Variants in SKIL observed in about 807,000 individuals in gnomAD.
The protein encoded by SKIL is ski-like protein.
SKIL carries 20 observed loss-of-function variants against 69.6 expected under a neutral mutation model. The observed-to-expected ratio is 0.29, with a 90% CI of 0.20 to 0.42. The LOEUF (loss-of-function observed/expected upper bound fraction) is 0.42. SKIL is among the 10% of genes least tolerant of loss of function. The pLI is 1.00. For synonymous variants in SKIL, 310 were observed against 279.9 expected, an observed-to-expected ratio of 1.11 and a Z score of -1.08; for missense variants, 745 against 783.1, an observed-to-expected ratio of 0.95 and a Z score of 0.58.
chr3:170,360,868 A>C lies in SKIL; in HGVS notation c.537A>C (p.Thr179=), dbSNP rs548156829. Reference sequence around the variant, plus strand: ...TAAATTCTGTTCTCCGAGAATTTACACTCCAGCAAATAAATACAGTGTGTG... The same window carrying C: ...TAAATTCTGTTCTCCGAGAATTTACCCTCCAGCAAATAAATACAGTGTGTG... ...QVLNSVLREF[T]LQQINTVCDE... Residue 179 remains threonine (T), a synonymous_variant, in exon 2 of 7, where the codon ACA becomes ACC. Transcript: ENST00000259119. 8 of 1,614,142 alleles carry C rather than the reference A, an allele frequency of 5.0e-6. No homozygotes were observed. The African/African-American group carries it at 1.1e-4, about 22-fold the overall frequency.
chr3:170,358,144 C>G (rs1010478822), intron 1 of SKIL, among the ~76,000 whole-genome samples: 12 of 152,172 alleles, frequency 7.9e-5, no homozygotes, highest in African/African-American at 2.9e-4. Flanking sequence ...TCCGTCAGCC[C>G]CCGGCGGCGC....
chr3:170,373,466 CTG>C (rs1212985771), intron 2 of SKIL, among the ~76,000 whole-genome samples: 2 of 152,336 alleles, frequency 1.3e-5, no homozygotes, highest in Non-Finnish European at 2.9e-5. Context: ...GTGTGAGTCA[CTG>C]TGCCTGGCCT....
chr3:170,391,394 C>T (rs1033357308), intron 6 of SKIL, 134 bp downstream of exon 6: 5 of 594,626 alleles, frequency 8.4e-6, no homozygotes, highest in Non-Finnish European at 6.0e-6. Context: ...CTCAGCTCCC[C>T]ACAACCTCTG....
intron 1 of SKIL, 163 bp downstream of exon 1, chr3:170,357,926 G>C (rs938887275): frequency 2.0e-5 from 3 of 152,338 alleles, no homozygotes; most frequent in African/African-American, 4.8e-5. Context: ...TGGATGCGCG[G>C]GTCCCGGGTG....
intron 4 of SKIL, among the ~76,000 whole-genome samples, chr3:170,387,226 T>C (rs1016152093): frequency 1.8e-4 from 28 of 152,110 alleles, no homozygotes; most frequent in African/African-American, 6.3e-4. Flanking sequence ...TTCGCCATGT[T>C]AGTCAGGCTG....
intron 3 of SKIL, among the ~76,000 whole-genome samples, chr3:170,382,986 CTGGGATTACAG>C (rs1385931335): frequency 1.3e-5 from 2 of 152,164 alleles, no homozygotes; most frequent in Admixed American, 1.3e-4. Flanking sequence ...TCCCAAAGTG[CTGGGATTACAG>C]GTATGAGTCA....
At chr3:170,369,912 G>C (rs1005735932) in intron 2 of SKIL, among the ~76,000 whole-genome samples, 1 of 152,136 alleles carries the variant, frequency 6.6e-6, no homozygotes, top group African/African-American at 2.4e-5. Context: ...GAAAGCAAAA[G>C]AATATATAAA....
Position 170,369,082 on chromosome 3 carries a change from A to ATT in SKIL, c.1098+7676_1098+7677dup, listed in dbSNP as rs55652320. On this transcript the variant is annotated intron_variant, in intron 2 of 6. Transcript: ENST00000259119. ...TATGTGGACCCTCCCTATCCCTGGC[A>ATT]TTTTTTTTTTTTTTTTTTTTTTTTG... Among the ~76,000 whole-genome samples, 1,219 of 126,660 alleles carry ATT rather than the reference A, an allele frequency of 9.6e-3. 41 individuals are homozygous for ATT. Among genetic ancestry groups the ATT allele is most frequent in the South Asian group, 0.049 (197 of 4,042 alleles). 83.1% of individuals were successfully genotyped at this position (126,660 alleles called of 152,430 possible). A position where few individuals can be genotyped will look rare whatever the true frequency, so the allele number is the denominator to read the frequency against.
At chr3:170,386,022 C>G (rs981240289) in intron 4 of SKIL, among the ~76,000 whole-genome samples, 4 of 151,736 alleles carry the variant, frequency 2.6e-5, no homozygotes, top group Non-Finnish European at 5.9e-5. Context: ...GAACTCCTGA[C>G]CTCAGGTGAT....
At chr3:170,387,560 A>T (rs1447283747) in intron 4 of SKIL, among the ~76,000 whole-genome samples, 1 of 152,094 alleles carries the variant, frequency 6.6e-6, no homozygotes, top group Non-Finnish European at 1.5e-5. Flanking sequence ...TTATGTGAAT[A>T]TACCACATTT....
chr3:170,379,409 G>A (rs1380351632), intron 2 of SKIL, among the ~76,000 whole-genome samples: 1 of 151,762 alleles, frequency 6.6e-6, no homozygotes, highest in Non-Finnish European at 1.5e-5. Flanking sequence ...TATTTTTGTT[G>A]GTCACCTTAA....
chr3:170,365,369 A>G (rs1041722199), intron 2 of SKIL, among the ~76,000 whole-genome samples: 33 of 152,180 alleles, frequency 2.2e-4, no homozygotes, highest in African/African-American at 8.0e-4. Flanking sequence ...CCAAATCCAA[A>G]ATCTGAAATG....
intron 2 of SKIL, among the ~76,000 whole-genome samples, chr3:170,369,302 A>C (rs1280336141): frequency 6.6e-6 from 1 of 152,228 alleles, no homozygotes; most frequent in Non-Finnish European, 1.5e-5. Context: ...CCGTGTTTTC[A>C]GAGTAGGCCT....
rs539049018 is a variant in SKIL at position 170,389,459 on chromosome 3, G to A, written c.1430-764G>A. ...CTCCCGAGTAGCTGGGACTACAGGC[G>A]CCCGCCACCAAGCCTGGCAAATTTT... On this transcript the variant is annotated intron_variant, in intron 4 of 6. Transcript: ENST00000259119. Among the ~76,000 whole-genome samples the A allele has an allele frequency of 5.3e-4, 81 of 151,804 alleles. No homozygotes were observed. The Middle Eastern group carries it at 0.014, about 25-fold the overall frequency.
rs375334286 is a variant in SKIL, at chr3:170,360,291, A to G, written c.-41A>G. On this transcript the variant is annotated 5_prime_UTR_variant, in exon 2 of 7. It removes an upstream start codon present in the reference 5' UTR. Transcript: ENST00000259119. ...TTTTCAAATAAGCAACTAAATAGAA[A>G]TGCTAATCTCAGACTTAATTATTTA... 145 of 1,501,568 alleles carry G rather than the reference A, an allele frequency of 9.7e-5. No individual in the cohort carries two copies. Among genetic ancestry groups the G allele is most frequent in the Non-Finnish European group, 1.2e-4 (140 of 1,124,566 alleles). 93.0% of individuals were successfully genotyped at this position (1,501,568 alleles called of 1,614,324 possible).
At chr3:170,384,811 C>A in intron 4 of SKIL, 46 bp downstream of exon 4, 2 of 1,001,612 alleles carry the variant, frequency 2.0e-6, no homozygotes, top group Non-Finnish European at 3.0e-6. Context: ...ATCTAATGAA[C>A]ACATTTATTG....
chr3:170,360,496 T>A lies in SKIL; in HGVS notation c.165T>A (p.Asp55Glu), dbSNP rs1389204943. 7.4e-6 allele frequency: 12 copies of A among 1,614,128 alleles called. No homozygotes were observed. Among genetic ancestry groups the A allele is most frequent in the Non-Finnish European group, 1.0e-5 (12 of 1,180,014 alleles). Residue 55 changes from aspartate to glutamate, a missense_variant, in exon 2 of 7, where the codon GAT becomes GAA. Asp to Glu is a conservative substitution (Grantham distance 45, BLOSUM62 2). Coordinates refer to ENST00000259119, the MANE Select transcript of SKIL (RefSeq NM_005414.5). ...KVPTVKKEHLDDYGEAPVETD... is the reference protein window; with the variant it reads ...KVPTVKKEHLEDYGEAPVETD... Reference sequence around the variant, plus strand: ...CAACAGTTAAGAAGGAACACTTGGATGACTATGGAGAAGCACCAGTGGAAA... The same window carrying A: ...CAACAGTTAAGAAGGAACACTTGGAAGACTATGGAGAAGCACCAGTGGAAA...
At position 170,378,315 on chromosome 3, in the gene SKIL, G is replaced by C. The variant is rs149779921; in HGVS notation, c.1099-2929G>C. Among the ~76,000 whole-genome samples, 785 of 152,288 alleles carry C rather than the reference G, an allele frequency of 5.2e-3. 5 individuals are homozygous for C. The highest frequency in any genetic ancestry group is 0.018 in the African/African-American group (734 of 41,564). On this transcript the variant is annotated intron_variant, in intron 2 of 6. Coordinates refer to ENST00000259119, the MANE Select transcript of SKIL (RefSeq NM_005414.5). ...GTTGAGGGCAGTGGGTTACTTGTCA[G>C]ATCTCTCCCAGGTTTCTTCATTCTC...
intron 2 of SKIL, among the ~76,000 whole-genome samples, chr3:170,367,143 C>T (rs112735873): frequency 2.4e-4 from 37 of 152,210 alleles, no homozygotes; most frequent in East Asian, 1.5e-3. Context: ...GAGTCTCGCT[C>T]TGTTGACCAG....
Sources: gnomAD v4.1 joint callset for allele counts (sites outside exome capture counted in the v4.1 genomes callset) on GRCh38, gnomAD v4.1.1 for gene constraint, MANE v1.5 for transcripts, NCBI Gene and HGNC (gene_info 2026-07-23, HGNC 2026-07-21) for gene names.